The following ITPR2 variants were observed in gnomAD, a reference collection of about 807,000 sequenced individuals.
The protein encoded by ITPR2 is inositol 1,4,5-trisphosphate receptor type 2.
In ITPR2, 207 loss-of-function variants were observed where a neutral mutation model predicts 317.1. The ratio of observed to expected loss-of-function variants is 0.65; its 90% CI spans 0.58 to 0.73. ITPR2 has a LOEUF of 0.73. Ranked by LOEUF, ITPR2 falls within the 30% of genes least tolerant of loss-of-function variation. The pLI, the probability that ITPR2 is intolerant of heterozygous loss-of-function variation, is 0.00. For synonymous variants in ITPR2, 1,156 were observed against 1,149.1 expected, an observed-to-expected ratio of 1.01 and a Z score of -0.12; for missense variants, 2,613 against 3,284.0, an observed-to-expected ratio of 0.80 and a Z score of 4.99.
chr12:26,577,712 G>A (rs1037608616), intron 34 of ITPR2, among the ~76,000 whole-genome samples: 3 of 151,950 alleles, frequency 2.0e-5, no homozygotes, highest in Admixed American at 6.6e-5. Context: ...TCAAAATCAG[G>A]GCTGTCACTA....
chr12:26,443,701 G>A (rs1185097360), intron 45 of ITPR2, 51 bp from the exon 46 acceptor site: 6 of 1,436,854 alleles, frequency 4.2e-6, no homozygotes, highest in Non-Finnish European at 5.9e-6. Flanking sequence ...CCCTTTCCTA[G>A]GGTCAAACTT....
intron 37 of ITPR2, among the ~76,000 whole-genome samples, chr12:26,501,448 T>C (rs1034582506): frequency 8.5e-5 from 13 of 152,204 alleles, no homozygotes; most frequent in Admixed American, 8.5e-4. Flanking sequence ...AGCTGTTTAA[T>C]CATTTGAACA....
At chr12:26,648,023 A>T (rs112179503) in intron 21 of ITPR2, among the ~76,000 whole-genome samples, 1 of 151,882 alleles carries the variant, frequency 6.6e-6, no homozygotes, top group African/African-American at 2.4e-5. Flanking sequence ...CAGACCCCCA[A>T]CCAGATCTAG....
At chr12:26,625,887 C>A (rs576592194) in intron 23 of ITPR2, among the ~76,000 whole-genome samples, 2 of 151,880 alleles carry the variant, frequency 1.3e-5, no homozygotes, top group African/African-American at 4.8e-5. Flanking sequence ...TCTACGTGAA[C>A]CAATCATGAT....
At chr12:26,748,402 TAC>T (rs1314584062) in intron 2 of ITPR2, among the ~76,000 whole-genome samples, 1 of 152,184 alleles carries the variant, frequency 6.6e-6, no homozygotes, top group Non-Finnish European at 1.5e-5. Flanking sequence ...CCTATACTAT[TAC>T]CAAGAAATCA....
At chr12:26,775,025 C>G (rs74072360) in intron 2 of ITPR2, among the ~76,000 whole-genome samples, 3,811 of 152,242 alleles carry the variant, frequency 0.025, 164 homozygotes, top group African/African-American at 0.086. Context: ...CACTAATGCA[C>G]GCTGTCCTGC....
At chr12:26,343,501 G>A (rs200827271) in intron 55 of ITPR2, among the ~76,000 whole-genome samples, 3 of 152,104 alleles carry the variant, frequency 2.0e-5, no homozygotes, top group African/African-American at 4.8e-5. Context: ...TGTGCTTCAC[G>A]CCACAAAACT....
chr12:26,703,933 T>C (rs146597048), intron 9 of ITPR2, among the ~76,000 whole-genome samples: 127 of 152,268 alleles, frequency 8.3e-4, no homozygotes, highest in African/African-American at 2.8e-3. Flanking sequence ...AACAAACAAA[T>C]GCATAGCTAA....
chr12:26,631,258 T>C (rs1445459979), intron 22 of ITPR2, among the ~76,000 whole-genome samples: 1 of 152,178 alleles, frequency 6.6e-6, no homozygotes, highest in Non-Finnish European at 1.5e-5. Context: ...ACTAAACCAA[T>C]GGGCATGAAA....
intron 9 of ITPR2, among the ~76,000 whole-genome samples, chr12:26,703,672 A>T (rs1291293972): frequency 6.6e-6 from 1 of 152,136 alleles, no homozygotes; most frequent in African/African-American, 2.4e-5. Flanking sequence ...CGGTTTTTTG[A>T]TTTTAACAAA....
At chr12:26,339,896 T>C (rs1938048359) in intron 56 of ITPR2, among the ~76,000 whole-genome samples, 1 of 152,242 alleles carries the variant, frequency 6.6e-6, no homozygotes, top group South Asian at 2.1e-4. Flanking sequence ...AAAATGATTT[T>C]TTTTTAAATG....
intron 45 of ITPR2, among the ~76,000 whole-genome samples, chr12:26,471,147 C>T (rs1191498191): frequency 1.3e-5 from 2 of 152,138 alleles, no homozygotes; most frequent in East Asian, 3.9e-4. Context: ...AATACTTCTC[C>T]CCAACCTGAA....
chr12:26,442,538 TC>T (rs1344665766), intron 46 of ITPR2, among the ~76,000 whole-genome samples: 1 of 152,140 alleles, frequency 6.6e-6, no homozygotes, highest in East Asian at 1.9e-4. Context: ...TCTCTTCTGA[TC>T]TCCTAGCTTT....
intron 41 of ITPR2, among the ~76,000 whole-genome samples, chr12:26,484,805 G>T (rs555539810): frequency 2.6e-5 from 4 of 151,954 alleles, no homozygotes; most frequent in Non-Finnish European, 5.9e-5. Context: ...TCCGCCTCCC[G>T]GGTTCACGCC....
rs769927334 is a variant in ITPR2 at position 26,721,320 on chromosome 12, A to T, written c.525+1077T>A. 3.4e-5 allele frequency: 21 copies of T among 614,200 alleles called. No homozygotes were observed. The South Asian group carries it at 4.3e-4, about 13-fold the overall frequency. The allele number at this position is 614,200 out of a possible 1,614,324, so 38.0% of individuals were successfully genotyped here. On this transcript the variant is annotated intron_variant, in intron 5 of 56. Transcript: ENST00000381340. ...ATATCACCAGATAATTTATTAACCA[A>T]ATTAAATCCAGAAGCTTGCATCCTG...
In ITPR2 at chr12:26,659,102, T is replaced by C. The variant is rs761389029; in HGVS notation, c.1886+11A>G. On this transcript the variant is annotated intron_variant, in intron 16 of 56. Transcript: ENST00000381340. ...CCACTAGAAAAGAATACCGCATGAA[T>C]CATTTCAAACCTTGGCTCCCGATTT... is the stretch of plus-strand genomic sequence containing the variant. 1 of 1,603,668 alleles carries C rather than the reference T, an allele frequency of 6.2e-7. No individual in the cohort carries two copies. The highest frequency in any genetic ancestry group is 1.1e-5 in the South Asian group (1 of 89,908).
At chr12:26,603,357 A>G (rs201282474) in intron 26 of ITPR2, among the ~76,000 whole-genome samples, 1 of 152,236 alleles carries the variant, frequency 6.6e-6, no homozygotes, top group African/African-American at 2.4e-5. Context: ...AATTATAATA[A>G]CTATTATCTG....
chr12:26,597,817 T>C (rs1945887638), intron 30 of ITPR2, among the ~76,000 whole-genome samples: 1 of 152,184 alleles, frequency 6.6e-6, no homozygotes, highest in Non-Finnish European at 1.5e-5. Flanking sequence ...TATCTTATTG[T>C]CTATTATCAG....
chr12:26,456,441 T>C (rs544841655), intron 45 of ITPR2, among the ~76,000 whole-genome samples: 14 of 152,350 alleles, frequency 9.2e-5, no homozygotes, highest in South Asian at 6.2e-4. Context: ...AGCCCTTTTC[T>C]AGAAAACTCA....
Sources: allele counts gnomAD v4.1 joint callset (sites outside exome capture counted in the v4.1 genomes callset), GRCh38; gene constraint gnomAD v4.1.1; transcripts MANE v1.5; gene names NCBI Gene and HGNC (gene_info 2026-07-23, HGNC 2026-07-21).